The following RBFOX1 variants were observed in gnomAD, a reference collection of about 807,000 sequenced individuals.
RBFOX1 encodes the protein RNA binding protein fox-1 homolog 1.
RBFOX1 carries 8 observed loss-of-function variants against 57.7 expected under a neutral mutation model. The ratio of observed to expected loss-of-function variants is 0.14; its 90% CI spans 0.08 to 0.25. The LOEUF (loss-of-function observed/expected upper bound fraction) is 0.25. RBFOX1 is among the 10% of genes least tolerant of loss of function. The pLI, the probability that RBFOX1 is intolerant of heterozygous loss-of-function variation, is 1.00. For missense variants in RBFOX1, 611 were observed against 548.5 expected, an observed-to-expected ratio of 1.11 and a Z score of -1.14; for synonymous variants, 326 against 222.4, an observed-to-expected ratio of 1.47 and a Z score of -4.15.
intron 4 of RBFOX1, among the ~76,000 whole-genome samples, chr16:7,233,197 A>T (rs1473604972): frequency 6.8e-6 from 1 of 146,882 alleles, no homozygotes; most frequent in African/African-American, 2.5e-5. Flanking sequence ...GCTCCTGCCA[A>T]CCTTGCTAAA....
chr16:5,619,102 G>A (rs1408259415), intron 3 of RBFOX1, among the ~76,000 whole-genome samples: 1 of 152,202 alleles, frequency 6.6e-6, no homozygotes, highest in Non-Finnish European at 1.5e-5. Flanking sequence ...TTGCAGTGCT[G>A]GAGGAACCAC....
intron 4 of RBFOX1, among the ~76,000 whole-genome samples, chr16:7,354,616 C>A (rs567155088): frequency 6.6e-6 from 1 of 152,178 alleles, no homozygotes. Context: ...AGCACTATTA[C>A]CGTGCCCAAT....
intron 1 of RBFOX1, among the ~76,000 whole-genome samples, chr16:5,274,597 T>C (rs2063096953): frequency 6.6e-6 from 1 of 152,156 alleles, no homozygotes; most frequent in African/African-American, 2.4e-5. Context: ...TCTGCCCCTT[T>C]CATACGTCTC....
At position 7,463,641 on chromosome 16, in the gene RBFOX1, T is replaced by C. The variant is rs9928326; in HGVS notation, c.28-54506T>C. On this transcript the variant is annotated intron_variant, in intron 4 of 15. Transcript: ENST00000550418. ...CATATGAATTAGGGGTGAGAGGACT[T>C]AAACATTCAAACCATAGCAGTCACC... Among the ~76,000 whole-genome samples the C allele has an allele frequency of 9.9e-3, 1,513 of 152,302 alleles. 34 individuals carry two copies. The highest frequency in any genetic ancestry group is 0.035 in the African/African-American group (1,455 of 41,554).
intron 4 of RBFOX1, among the ~76,000 whole-genome samples, chr16:7,319,779 G>C (rs1253662473): frequency 1.3e-5 from 2 of 152,126 alleles, no homozygotes; most frequent in African/African-American, 2.4e-5. Context: ...GGCAGGTGTG[G>C]CTTTGACTGC....
intron 1 of RBFOX1, among the ~76,000 whole-genome samples, chr16:5,454,900 TTCTTTC>T (rs1232644402): frequency 8.0e-6 from 1 of 125,756 alleles, no homozygotes; most frequent in Non-Finnish European, 1.7e-5. Flanking sequence ...CTTTCTTTCT[TTCTTTC>T]TTTCTTTCCT....
intron 2 of RBFOX1, among the ~76,000 whole-genome samples, chr16:6,365,603 T>C (rs184919884): frequency 1.8e-4 from 27 of 152,322 alleles, no homozygotes; most frequent in African/African-American, 6.0e-4. Context: ...ATGCTATCTT[T>C]TTTTGTGGTT....
chr16:7,675,122 A>T (rs1479801909), intron 13 of RBFOX1, among the ~76,000 whole-genome samples: 1 of 152,170 alleles, frequency 6.6e-6, no homozygotes, highest in African/African-American at 2.4e-5. Context: ...ATTAAGTTTA[A>T]TGTATGTACC....
At chr16:6,879,286 C>T (rs1401140424) in intron 3 of RBFOX1, among the ~76,000 whole-genome samples, 2 of 152,140 alleles carry the variant, frequency 1.3e-5, no homozygotes, top group Non-Finnish European at 2.9e-5. Context: ...TTCTGAAGGG[C>T]AGCCCAACAC....
chr16:7,575,323 C>T (rs923536008), intron 5 of RBFOX1, among the ~76,000 whole-genome samples: 5 of 152,038 alleles, frequency 3.3e-5, no homozygotes, highest in African/African-American at 4.8e-5. Flanking sequence ...TTAGTAGAGA[C>T]GGGGTTTCAC....
intron 4 of RBFOX1, among the ~76,000 whole-genome samples, chr16:7,105,059 C>T (rs894826773): frequency 2.9e-4 from 44 of 152,126 alleles, no homozygotes; most frequent in African/African-American, 1.1e-3. Context: ...CACTTACATT[C>T]TTCTAGCTGA....
intron 2 of RBFOX1, among the ~76,000 whole-genome samples, chr16:6,344,407 C>CTTTCTTTTTTT (rs1555635139): frequency 9.1e-6 from 1 of 109,846 alleles, no homozygotes; most frequent in Admixed American, 1.0e-4. Context: ...TCTTTTTTTT[C>CTTTCTTTTTTT]TTTTTTTTTT....
chr16:7,368,799 A>G (rs1015764515), intron 4 of RBFOX1, among the ~76,000 whole-genome samples: 1 of 151,982 alleles, frequency 6.6e-6, no homozygotes, highest in African/African-American at 2.4e-5. Context: ...AAAAAAAATA[A>G]AAATAATTGG....
intron 10 of RBFOX1, among the ~76,000 whole-genome samples, chr16:7,609,028 C>T (rs983339174): frequency 6.6e-6 from 1 of 152,112 alleles, no homozygotes; most frequent in African/African-American, 2.4e-5. Flanking sequence ...GCATGTATTG[C>T]TGGGATGCAT....
chr16:5,962,062 C>T (rs1307990794), intron 4 of RBFOX1, among the ~76,000 whole-genome samples: 1 of 152,078 alleles, frequency 6.6e-6, no homozygotes, highest in Non-Finnish European at 1.5e-5. Flanking sequence ...CAAAATAGCC[C>T]CTGGAGATCC....
At chr16:6,942,595 C>G (rs1433347781) in intron 3 of RBFOX1, among the ~76,000 whole-genome samples, 1 of 152,056 alleles carries the variant, frequency 6.6e-6, no homozygotes, top group African/African-American at 2.4e-5. Context: ...ATTGGGTGAT[C>G]AAGACAGAGT....
At chr16:6,741,946 C>T (rs1174855910) in intron 3 of RBFOX1, among the ~76,000 whole-genome samples, 3 of 152,094 alleles carry the variant, frequency 2.0e-5, no homozygotes, top group African/African-American at 7.2e-5. Context: ...GTTAATAATT[C>T]TGTATTATAT....
chr16:7,368,098 C>T (rs935479209), intron 4 of RBFOX1, among the ~76,000 whole-genome samples: 2 of 152,004 alleles, frequency 1.3e-5, no homozygotes, highest in Admixed American at 6.5e-5. Flanking sequence ...GAAACCCCAT[C>T]TTTACTAAAA....
chr16:7,597,036 ATTTCTTG>A (rs2094738336), intron 8 of RBFOX1, among the ~76,000 whole-genome samples: 1 of 152,084 alleles, frequency 6.6e-6, no homozygotes, highest in Non-Finnish European at 1.5e-5. Context: ...TTTAAAAAAT[ATTTCTTG>A]TTTCTGTGTT....
Sources: gnomAD v4.1 joint callset for allele counts (sites outside exome capture counted in the v4.1 genomes callset) on GRCh38, gnomAD v4.1.1 for gene constraint, MANE v1.5 for transcripts, NCBI Gene and HGNC (gene_info 2026-07-23, HGNC 2026-07-21) for gene names.